CACNB2: variants seen among roughly 807,000 people sequenced by gnomAD.
CACNB2 encodes the protein calcium voltage-gated channel auxiliary subunit beta 2.
In CACNB2, 42 loss-of-function variants were observed where a neutral mutation model predicts 73.3. That is an observed-to-expected ratio of 0.57 (90% confidence interval 0.45 to 0.74). CACNB2 has a LOEUF of 0.74. Ranked by LOEUF, CACNB2 falls within the 30% of genes least tolerant of loss-of-function variation. CACNB2 has a pLI of 0.00. For missense variants in CACNB2, 940 were observed against 853.0 expected (o/e 1.10, Z -1.27); for synonymous variants, 348 against 310.3 (o/e 1.12, Z -1.28).
At chr10:18,257,438 T>G (rs1407670858) in intron 2 of CACNB2, 1 of 152,252 alleles carries the variant, frequency 6.6e-6, no homozygotes, top group Non-Finnish European at 1.5e-5. Flanking sequence ...AGACTGAATC[T>G]GGTGGAGAAC....
intron 3 of CACNB2, among the ~76,000 whole-genome samples, chr10:18,484,970 C>T (rs1483424371): frequency 1.3e-5 from 2 of 151,992 alleles, no homozygotes; most frequent in African/African-American, 2.4e-5. Flanking sequence ...GCCTGGACAA[C>T]ATAGTGAAAC....
chr10:18,361,243 G>T (rs2042124099), intron 2 of CACNB2, among the ~76,000 whole-genome samples: 1 of 151,610 alleles, frequency 6.6e-6, no homozygotes, highest in South Asian at 2.1e-4. Flanking sequence ...TGTAATCCCA[G>T]CAACTGGGGA....
At chr10:18,460,543 T>G (rs959590333) in intron 3 of CACNB2, among the ~76,000 whole-genome samples, 1 of 152,020 alleles carries the variant, frequency 6.6e-6, no homozygotes, top group Non-Finnish European at 1.5e-5. Context: ...CCAGGGAAGA[T>G]TTTCTTTTCG....
intron 2 of CACNB2, among the ~76,000 whole-genome samples, chr10:18,198,108 T>C (rs925548688): frequency 6.7e-6 from 1 of 148,152 alleles, no homozygotes; most frequent in Non-Finnish European, 1.5e-5. Context: ...ATGTAATATA[T>C]TCATATGACA....
At chr10:18,494,392 G>A (rs976472771) in intron 3 of CACNB2, among the ~76,000 whole-genome samples, 2 of 152,136 alleles carry the variant, frequency 1.3e-5, no homozygotes, top group Non-Finnish European at 2.9e-5. Context: ...CACTTTGGGA[G>A]GCCGAGGTGG....
At chr10:18,484,692 G>A (rs1271834378) in intron 3 of CACNB2, among the ~76,000 whole-genome samples, 1 of 152,160 alleles carries the variant, frequency 6.6e-6, no homozygotes, top group Non-Finnish European at 1.5e-5. Flanking sequence ...AAGGATTCAA[G>A]CCCTGTCTCT....
At chr10:18,265,067 A>G (rs1179532657) in intron 2 of CACNB2, among the ~76,000 whole-genome samples, 1 of 151,614 alleles carries the variant, frequency 6.6e-6, no homozygotes, top group African/African-American at 2.4e-5. Context: ...AGAGTATCCC[A>G]TTATGGCTTT....
intron 3 of CACNB2, among the ~76,000 whole-genome samples, chr10:18,469,355 A>G (rs1208880881): frequency 6.6e-6 from 1 of 152,170 alleles, no homozygotes; most frequent in African/African-American, 2.4e-5. Context: ...TCCTTCCTTC[A>G]CACCAGTCTG....
intron 2 of CACNB2, among the ~76,000 whole-genome samples, chr10:18,272,534 C>T (rs1370882571): frequency 6.6e-6 from 1 of 152,178 alleles, no homozygotes; most frequent in Non-Finnish European, 1.5e-5. Context: ...TGTGTTCCCA[C>T]CCAAATCTCA....
At chr10:18,404,937 A>C (rs1289601611) in intron 3 of CACNB2, among the ~76,000 whole-genome samples, 1 of 152,208 alleles carries the variant, frequency 6.6e-6, no homozygotes, top group Non-Finnish European at 1.5e-5. Flanking sequence ...ACCAACTGAC[A>C]TGACATTGTT....
At chr10:18,480,376 C>A (rs1317729239) in intron 3 of CACNB2, among the ~76,000 whole-genome samples, 1 of 151,988 alleles carries the variant, frequency 6.6e-6, no homozygotes, top group African/African-American at 2.4e-5. Flanking sequence ...ATAAGACAAG[C>A]CCGTTGGTTT....
intron 2 of CACNB2, among the ~76,000 whole-genome samples, chr10:18,270,820 C>T (rs2038020724): frequency 6.6e-6 from 1 of 152,152 alleles, no homozygotes; most frequent in Non-Finnish European, 1.5e-5. Flanking sequence ...CTTTCATTCC[C>T]TTTTTGATTG....
At chr10:18,309,520 C>T (rs919269927) in intron 2 of CACNB2, among the ~76,000 whole-genome samples, 9 of 152,162 alleles carry the variant, frequency 5.9e-5, no homozygotes, top group South Asian at 4.2e-4. Context: ...TGCAATGGTG[C>T]GATCTCGGCT....
At chr10:18,310,927 G>A (rs2039942311) in intron 2 of CACNB2, among the ~76,000 whole-genome samples, 1 of 152,176 alleles carries the variant, frequency 6.6e-6, no homozygotes, top group East Asian at 1.9e-4. Flanking sequence ...CTCCACTTTA[G>A]TCTTCAAATA....
At chr10:18,220,121 A>G (rs2035679801) in intron 2 of CACNB2, among the ~76,000 whole-genome samples, 1 of 21,044 alleles carries the variant, frequency 4.8e-5, no homozygotes, top group Non-Finnish European at 7.3e-5. Flanking sequence ...ATATATATAT[A>G]TATATATATA....
At chr10:18,236,245 C>G (rs769136215) in intron 2 of CACNB2, among the ~76,000 whole-genome samples, 1 of 152,160 alleles carries the variant, frequency 6.6e-6, no homozygotes, top group Non-Finnish European at 1.5e-5. Context: ...CGTTCTGTCA[C>G]TCTGTCTACT....
At chr10:18,427,931 G>A (rs1223632520) in intron 3 of CACNB2, among the ~76,000 whole-genome samples, 1 of 151,672 alleles carries the variant, frequency 6.6e-6, no homozygotes, top group Non-Finnish European at 1.5e-5. Context: ...TTTCATTTAA[G>A]TCAGTTACTT....
chr10:18,538,502 A>G, intron 13 of CACNB2, 137 bp downstream of exon 13: 2 of 724,832 alleles, frequency 2.8e-6, no homozygotes, highest in Non-Finnish European at 4.7e-6. Flanking sequence ...CAAGTCCAGC[A>G]TGAGCTGTGT....
chr10:18,412,151 T>C (rs1298994299), intron 3 of CACNB2, among the ~76,000 whole-genome samples: 1 of 152,200 alleles, frequency 6.6e-6, no homozygotes, highest in East Asian at 1.9e-4. Flanking sequence ...GGCTGCTTCA[T>C]GAGAGAGCAA....
Sources: gnomAD v4.1 joint callset for allele counts (sites outside exome capture counted in the v4.1 genomes callset) on GRCh38, gnomAD v4.1.1 for gene constraint, MANE v1.5 for transcripts, NCBI Gene and HGNC (gene_info 2026-07-23, HGNC 2026-07-21) for gene names.